SFRP1: variants seen among roughly 807,000 people sequenced by gnomAD.
The protein encoded by SFRP1 is secreted frizzled-related protein 1.
Under a neutral mutation model 25.9 loss-of-function variants are expected in SFRP1, and 9 were observed. The observed-to-expected ratio is 0.35, with a 90% CI of 0.21 to 0.61. SFRP1 has a LOEUF of 0.61. Ranked by LOEUF, SFRP1 falls within the 20% of genes least tolerant of loss-of-function variation. The pLI, the probability that SFRP1 is intolerant of heterozygous loss-of-function variation, is 0.78. For synonymous variants in SFRP1, 178 were observed against 174.0 expected (o/e 1.02, Z -0.18); for missense variants, 346 against 418.2 (o/e 0.83, Z 1.51).
At chr8:41,296,445 G>C (rs1301818999) in intron 2 of SFRP1, among the ~76,000 whole-genome samples, 1 of 151,812 alleles carries the variant, frequency 6.6e-6, no homozygotes, top group Non-Finnish European at 1.5e-5. Context: ...ATGTTTAATT[G>C]GCTGCCCTAA....
chr8:41,301,506 G>T (rs939983701), intron 2 of SFRP1, among the ~76,000 whole-genome samples: 7 of 152,164 alleles, frequency 4.6e-5, no homozygotes, highest in Admixed American at 2.6e-4. Context: ...AAACAAAAAG[G>T]TTTCTCCTGC....
At chr8:41,290,884 G>GACTTTTTTTTTTTTT (rs1803768629) in intron 2 of SFRP1, among the ~76,000 whole-genome samples, 1 of 27,468 alleles carries the variant, frequency 3.6e-5, no homozygotes, top group South Asian at 2.0e-3. Context: ...CCTCTTCCTC[G>GACTTTTTTTTTTTTT]TCTTTTTTTT....
chr8:41,274,489 A>G (rs1421398388), intron 2 of SFRP1, among the ~76,000 whole-genome samples: 1 of 152,248 alleles, frequency 6.6e-6, no homozygotes, highest in Non-Finnish European at 1.5e-5. Context: ...TAAATTAAAC[A>G]CTGAATATTA....
At chr8:41,285,630 C>T (rs2117498756) in intron 2 of SFRP1, among the ~76,000 whole-genome samples, 1 of 152,278 alleles carries the variant, frequency 6.6e-6, no homozygotes, top group Admixed American at 6.5e-5. Context: ...CTCACTTTTC[C>T]CAGGACCACA....
At chr8:41,279,844 A>T (rs554527219) in intron 2 of SFRP1, among the ~76,000 whole-genome samples, 54 of 152,264 alleles carry the variant, frequency 3.5e-4, no homozygotes, top group African/African-American at 1.2e-3. Flanking sequence ...CCAAAGCAAA[A>T]ATAGAGGCCT....
At chr8:41,285,245 C>G (rs538682196) in intron 2 of SFRP1, among the ~76,000 whole-genome samples, 1 of 152,258 alleles carries the variant, frequency 6.6e-6, no homozygotes, top group South Asian at 2.1e-4. Flanking sequence ...GCCCCCAGCC[C>G]CTCAGCCGTC....
intron 1 of SFRP1, among the ~76,000 whole-genome samples, chr8:41,308,397 G>A (rs1424086791): frequency 2.6e-5 from 4 of 152,218 alleles, no homozygotes; most frequent in Non-Finnish European, 5.9e-5. Context: ...TCCCGGGCCA[G>A]CCCCGCCGTG....
chr8:41,273,576 T>C (rs1185899081), intron 2 of SFRP1, among the ~76,000 whole-genome samples: 1 of 152,148 alleles, frequency 6.6e-6, no homozygotes, highest in Non-Finnish European at 1.5e-5. Context: ...AGAGAAGGAA[T>C]GATTAAATCA....
At chr8:41,305,715 T>G (rs954419317) in intron 1 of SFRP1, among the ~76,000 whole-genome samples, 5 of 152,224 alleles carry the variant, frequency 3.3e-5, no homozygotes, top group African/African-American at 1.2e-4. Flanking sequence ...TATTAATATT[T>G]AAGGGTGTGT....
chr8:41,306,027 G>A (rs551095201), intron 1 of SFRP1, among the ~76,000 whole-genome samples: 90 of 152,316 alleles, frequency 5.9e-4, no homozygotes, highest in Non-Finnish European at 1.1e-3. Flanking sequence ...AGTAAAACCA[G>A]GCAGAGAGGG....
intron 2 of SFRP1, among the ~76,000 whole-genome samples, chr8:41,274,007 C>T (rs1011268242): frequency 2.0e-5 from 3 of 152,216 alleles, no homozygotes; most frequent in Non-Finnish European, 2.9e-5. Context: ...TGCCCTTGCA[C>T]ATCAGACTCC....
At chr8:41,286,639 G>A (rs1450390798) in intron 2 of SFRP1, among the ~76,000 whole-genome samples, 4 of 152,120 alleles carry the variant, frequency 2.6e-5, no homozygotes, top group Admixed American at 6.6e-5. Context: ...TCCAAGACAC[G>A]CAACATGGAA....
At chr8:41,275,563 C>T (rs749866334) in intron 2 of SFRP1, among the ~76,000 whole-genome samples, 59 of 151,482 alleles carry the variant, frequency 3.9e-4, no homozygotes, top group Non-Finnish European at 6.5e-4. Context: ...AGTGCAGTGG[C>T]GGAATCTCGG....
chr8:41,305,049 T>C (rs1055476743), intron 1 of SFRP1, among the ~76,000 whole-genome samples: 3 of 152,106 alleles, frequency 2.0e-5, no homozygotes, highest in African/African-American at 7.2e-5. Context: ...TACCACAAAT[T>C]TTGCATTATG....
rs1057332426 is a variant in SFRP1 at position 41,265,492 on chromosome 8, A to G, written c.623-3T>C. On this transcript the variant is annotated splice_region_variant and splice_polypyrimidine_tract_variant and intron_variant, in intron 2 of 2. Coordinates refer to ENST00000220772, the MANE Select transcript of SFRP1 (RefSeq NM_003012.5). The stretch of plus-strand genomic sequence containing the variant: ...TTCTTTTATTTTCATCCTCAGTGCT[A>G]GAGATGGAGAGGACAGAAGAAGAGA... 4.9e-5 allele frequency: 79 copies of G among 1,596,890 alleles called. No individual in the cohort carries two copies. The highest frequency in any genetic ancestry group is 6.4e-5 in the Non-Finnish European group (75 of 1,174,302).
intron 2 of SFRP1, among the ~76,000 whole-genome samples, chr8:41,290,967 C>A (rs531289489): frequency 1.7e-5 from 2 of 120,532 alleles, no homozygotes; most frequent in Non-Finnish European, 3.2e-5. Context: ...AATGCAGTGG[C>A]GCGATCTCGG....
chr8:41,294,465 G>A (rs1351628432), intron 2 of SFRP1, among the ~76,000 whole-genome samples: 2 of 152,122 alleles, frequency 1.3e-5, no homozygotes, highest in South Asian at 2.1e-4. Context: ...AATCCCCCTC[G>A]TAATCCTGCC....
At chr8:41,275,014 T>G (rs1358763692) in intron 2 of SFRP1, 2 of 292,402 alleles carry the variant, frequency 6.8e-6, no homozygotes, top group Non-Finnish European at 1.3e-5. Flanking sequence ...TCCTTTTTTT[T>G]TCTTTTTTGA....
Position 41,309,045 on chromosome 8 carries a change from A to C in SFRP1, c.115T>G (p.Phe39Val). ...TGGTACGGGCCGATGTCCGACTGGA[A>C]GCTCACGTAGTCGTACTCGCTGGCC... ...GSASEYDYVS[F>V]QSDIGPYQSG... Residue 39 changes from phenylalanine (F) to valine (V), a missense_variant, in exon 1 of 3, where the codon TTC becomes GTC. Physicochemically the swap from Phe to Val is conservative, Grantham distance 50. Transcript: ENST00000220772. The C allele has an allele frequency of 1.2e-6, 2 of 1,606,526 alleles. 1 individual carries two copies. Among genetic ancestry groups the C allele is most frequent in the African/African-American group, 2.7e-5 (2 of 75,050 alleles).
Sources: gnomAD v4.1 joint callset for allele counts (sites outside exome capture counted in the v4.1 genomes callset) on GRCh38, gnomAD v4.1.1 for gene constraint, MANE v1.5 for transcripts, NCBI Gene and HGNC (gene_info 2026-07-23, HGNC 2026-07-21) for gene names.